The following ARB2A variants were observed in gnomAD, a reference collection of about 807,000 sequenced individuals.
ARB2A encodes ARB2 cotranscriptional regulator A.
the ARB2A span, among the ~76,000 whole-genome samples, chr5:93,971,157 C>T: frequency 6.6e-6 from 1 of 152,194 alleles, no homozygotes; most frequent in African/African-American, 2.4e-5. Flanking sequence ...CACGACCACG[C>T]TCAGCTAATC....
the ARB2A span, among the ~76,000 whole-genome samples, chr5:93,644,823 G>A: frequency 6.6e-6 from 1 of 152,148 alleles, no homozygotes; most frequent in East Asian, 1.9e-4. Flanking sequence ...ATGATATGAA[G>A]CAGTTAATGC....
chr5:93,810,550 G>T, the ARB2A span, among the ~76,000 whole-genome samples: 3 of 151,914 alleles, frequency 2.0e-5, no homozygotes, highest in Non-Finnish European at 4.4e-5. Context: ...CTACAGGCAT[G>T]CATCATAATA....
chr5:93,866,431 C>T, the ARB2A span, among the ~76,000 whole-genome samples: 2 of 152,204 alleles, frequency 1.3e-5, no homozygotes, highest in Admixed American at 1.3e-4. Flanking sequence ...AATAAACATA[C>T]ACATATACAC....
At chr5:93,906,064 TATAAAG>T in the ARB2A span, among the ~76,000 whole-genome samples, 6 of 151,586 alleles carry the variant, frequency 4.0e-5, no homozygotes, top group African/African-American at 4.8e-5. Flanking sequence ...GAATATTTAC[TATAAAG>T]ATAATCAACC....
chr5:93,644,477 A>G, the ARB2A span, among the ~76,000 whole-genome samples: 17 of 152,232 alleles, frequency 1.1e-4, no homozygotes, highest in Admixed American at 1.0e-3. Context: ...GGTCCCAGAA[A>G]GTTCACAATT....
At chr5:93,679,667 C>T in the ARB2A span, among the ~76,000 whole-genome samples, 1 of 151,852 alleles carries the variant, frequency 6.6e-6, no homozygotes, top group East Asian at 1.9e-4. Flanking sequence ...AATGAGGGGA[C>T]TATGTGAAGA....
chr5:93,683,452 A>G, the ARB2A span: 138 of 1,599,246 alleles, frequency 8.6e-5, no homozygotes, highest in Non-Finnish European at 1.1e-4. Context: ...CAAAGCCCCC[A>G]AGGGAAACTG....
the ARB2A span, among the ~76,000 whole-genome samples, chr5:94,103,824 A>G: frequency 2.0e-5 from 3 of 151,408 alleles, no homozygotes; most frequent in Admixed American, 1.3e-4. Context: ...CTGAAATTAT[A>G]CCACATTCTT....
At chr5:93,970,715 TA>T in the ARB2A span, among the ~76,000 whole-genome samples, 2 of 152,146 alleles carry the variant, frequency 1.3e-5, no homozygotes, top group Non-Finnish European at 2.9e-5. Flanking sequence ...TGAATACACT[TA>T]AGTGATAATA....
At chr5:93,700,757 G>C in the ARB2A span, among the ~76,000 whole-genome samples, 1 of 151,942 alleles carries the variant, frequency 6.6e-6, no homozygotes, top group African/African-American at 2.4e-5. Flanking sequence ...TCCATATTAT[G>C]TAAATAACAT....
the ARB2A span, among the ~76,000 whole-genome samples, chr5:93,781,261 G>C: frequency 6.6e-6 from 1 of 152,020 alleles, no homozygotes. Flanking sequence ...GAGAACATGT[G>C]GTATTTGACT....
At chr5:94,070,792 A>G in the ARB2A span, among the ~76,000 whole-genome samples, 1 of 152,084 alleles carries the variant, frequency 6.6e-6, no homozygotes, top group Non-Finnish European at 1.5e-5. Flanking sequence ...AGAAAGATGT[A>G]TATATGGCAT....
chr5:94,080,569 C>A, the ARB2A span, among the ~76,000 whole-genome samples: 4 of 152,276 alleles, frequency 2.6e-5, no homozygotes, highest in African/African-American at 9.6e-5. Flanking sequence ...AAACAGACTC[C>A]ATCTGTTTAT....
chr5:93,978,898 T>C, the ARB2A span, among the ~76,000 whole-genome samples: 1 of 152,066 alleles, frequency 6.6e-6, no homozygotes, highest in South Asian at 2.1e-4. Context: ...TGGTAGTTAA[T>C]GGATACAAAC....
chr5:93,827,387 A>G, the ARB2A span, among the ~76,000 whole-genome samples: 1 of 152,188 alleles, frequency 6.6e-6, no homozygotes, highest in African/African-American at 2.4e-5. Flanking sequence ...GGCTGCATAA[A>G]TGTCTTCTTT....
the ARB2A span, among the ~76,000 whole-genome samples, chr5:94,070,654 C>CA: frequency 1.3e-5 from 2 of 151,710 alleles, no homozygotes; most frequent in Non-Finnish European, 2.9e-5. Flanking sequence ...AAAGACAATC[C>CA]AAAGACTGGG....
the ARB2A span, among the ~76,000 whole-genome samples, chr5:93,950,238 AT>A: frequency 6.6e-6 from 1 of 152,096 alleles, no homozygotes; most frequent in African/African-American, 2.4e-5. Context: ...TAGCAATGGG[AT>A]TGCTAGATAT....
chr5:94,089,872 C>T, the ARB2A span, among the ~76,000 whole-genome samples: 2 of 151,972 alleles, frequency 1.3e-5, no homozygotes, highest in South Asian at 4.1e-4. Flanking sequence ...GAAATAATTC[C>T]AAACATAGCA....
chr5:93,703,585 G>A, the ARB2A span, among the ~76,000 whole-genome samples: 1 of 152,080 alleles, frequency 6.6e-6, no homozygotes, highest in Non-Finnish European at 1.5e-5. Context: ...TGGTTTTTGC[G>A]AATCAATAAG....
Sources: allele counts gnomAD v4.1 joint callset (sites outside exome capture counted in the v4.1 genomes callset), GRCh38; gene constraint gnomAD v4.1.1; transcripts MANE v1.5; gene names NCBI Gene and HGNC (gene_info 2026-07-23, HGNC 2026-07-21).